TRIM36: variants seen among roughly 807,000 people sequenced by gnomAD.
TRIM36 encodes the protein tripartite motif containing 36.
Under a neutral mutation model 72.4 loss-of-function variants are expected in TRIM36, and 42 were observed. That is an observed-to-expected ratio of 0.58 (90% confidence interval 0.45 to 0.75). The LOEUF is 0.75. Among genes scored for constraint, TRIM36 ranks in the 30% least tolerant of loss-of-function variants. TRIM36 has a pLI of 0.00. For synonymous variants in TRIM36, 315 were observed against 282.8 expected (o/e 1.11, Z -1.14); for missense variants, 913 against 857.1 (o/e 1.07, Z -0.81).
At chr5:115,136,166 G>A (rs1010165712) in intron 7 of TRIM36, among the ~76,000 whole-genome samples, 1 of 149,826 alleles carries the variant, frequency 6.7e-6, no homozygotes, top group South Asian at 2.1e-4. Flanking sequence ...CCCCCAGTAC[G>A]TACCTCAGAA....
chr5:115,130,824 T>C lies in TRIM36; in HGVS notation c.1564A>G (p.Arg522Gly), dbSNP rs1235323317. ...CCAGCTCTACTCTCTACACGGTCTC[T>C]CTTCAAGTTCAGCAGGAGGTGTTCA... ...NNEHLLLNLKRDRVESRAGFN... is the reference protein window; with the variant it reads ...NNEHLLLNLKGDRVESRAGFN... Residue 522 changes from arginine to glycine, a missense_variant, in exon 9 of 10, where the codon AGA (arginine) becomes GGA (glycine). Transcript: ENST00000513154. 1 of 1,614,122 alleles carries C rather than the reference T, an allele frequency of 6.2e-7. No homozygotes were observed. The highest frequency in any genetic ancestry group is 8.5e-7 in the Non-Finnish European group (1 of 1,180,016).
chr5:115,136,891 C>G, intron 7 of TRIM36, 109 bp downstream of exon 7: 4 of 1,111,014 alleles, frequency 3.6e-6, no homozygotes, highest in Non-Finnish European at 4.9e-6. Context: ...TAGTCCTGGG[C>G]AAGTGAGATG....
intron 4 of TRIM36, 42 bp downstream of exon 4, chr5:115,144,556 A>C: frequency 6.2e-7 from 1 of 1,610,198 alleles, no homozygotes; most frequent in Non-Finnish European, 8.5e-7. Flanking sequence ...CATAAAGTAA[A>C]GTTACGAAGA....
chr5:115,171,221 A>G (rs377081012), upstream of TRIM36: 1 of 1,614,076 alleles, frequency 6.2e-7, no homozygotes, highest in African/African-American at 1.3e-5. Flanking sequence ...CCAATCCGGC[A>G]TCTAAATAAG....
intron 4 of TRIM36, among the ~76,000 whole-genome samples, chr5:115,143,422 C>A (rs1753393457): frequency 6.6e-6 from 1 of 151,230 alleles, no homozygotes; most frequent in Non-Finnish European, 1.5e-5. Flanking sequence ...TGTAGAAATA[C>A]AAAACTATCC....
Position 115,130,791 on chromosome 5 carries a change from G to C in TRIM36, c.1597C>G (p.Leu533Val). The change falls in exon 9 of 10, where the codon CTT (leucine) becomes GTT (valine). Residue 533 changes from leucine (L) to valine (V), a missense_variant. Coordinates refer to ENST00000513154, the MANE Select transcript of TRIM36 (RefSeq NM_001300759.2). ...TGGATGCGTTCTGCAGCAAGCAGAAGATTAAATCCAGCTCTACTCTCTACA... is the reference window on the plus strand; with the variant it reads ...TGGATGCGTTCTGCAGCAAGCAGAACATTAAATCCAGCTCTACTCTCTACA... The part of the protein sequence containing the change: ...DRVESRAGFN[L>V]LLAAERIQVG... The C allele has an allele frequency of 6.2e-7, 1 of 1,614,146 alleles. No homozygotes were observed. The highest frequency in any genetic ancestry group is 8.5e-7 in the Non-Finnish European group (1 of 1,180,036).
At chr5:115,142,533 G>A (rs141283790) in intron 4 of TRIM36, among the ~76,000 whole-genome samples, 11 of 152,230 alleles carry the variant, frequency 7.2e-5, no homozygotes, top group Non-Finnish European at 1.6e-4. Flanking sequence ...GGCAGAATTC[G>A]GACACATGAT....
chr5:115,160,201 C>G (rs1019031433), intron 2 of TRIM36, among the ~76,000 whole-genome samples: 5 of 151,636 alleles, frequency 3.3e-5, no homozygotes, highest in African/African-American at 1.2e-4. Flanking sequence ...TTCAAGGTAC[C>G]CTTTAAAAAA....
Position 115,126,103 on chromosome 5 carries a change from T to G in TRIM36, c.*400A>C, listed in dbSNP as rs1237073477. On this transcript the variant is annotated 3_prime_UTR_variant, in exon 10 of 10. Coordinates refer to ENST00000513154, the MANE Select transcript of TRIM36 (RefSeq NM_001300759.2). Reference sequence around the variant, plus strand: ...ATCCATAAGGCATTTAAAAAATATCTTCTCTTAGGACATAAACATGATATA... The same window carrying G: ...ATCCATAAGGCATTTAAAAAATATCGTCTCTTAGGACATAAACATGATATA... 6.0e-6 allele frequency: 1 copy of G among 166,824 alleles called. No homozygotes were observed. Among genetic ancestry groups the G allele is most frequent in the Non-Finnish European group, 1.3e-5 (1 of 76,778 alleles). The allele number at this position is 166,824 out of a possible 1,614,324, so 10.3% of individuals were successfully genotyped here.
chr5:115,154,988 T>G (rs1043556443), intron 2 of TRIM36, among the ~76,000 whole-genome samples: 9 of 151,608 alleles, frequency 5.9e-5, no homozygotes, highest in Admixed American at 1.3e-4. Context: ...GACACCAGCC[T>G]GACCAACAAG....
intron 8 of TRIM36, among the ~76,000 whole-genome samples, chr5:115,132,831 C>A (rs1246318843): frequency 6.6e-6 from 1 of 152,082 alleles, no homozygotes; most frequent in Non-Finnish European, 1.5e-5. Context: ...CACTTTCAGG[C>A]AGAAAGACTA....
intron 8 of TRIM36, among the ~76,000 whole-genome samples, chr5:115,131,702 C>T (rs77727437): frequency 0.014 from 2,171 of 152,240 alleles, 57 homozygotes; most frequent in African/African-American, 0.05. Flanking sequence ...ATACATGCTA[C>T]AACATGTATG....
chr5:115,131,166 T>C (rs1373535538), intron 8 of TRIM36, among the ~76,000 whole-genome samples: 1 of 152,174 alleles, frequency 6.6e-6, no homozygotes, highest in Non-Finnish European at 1.5e-5. Flanking sequence ...GGAATACAGA[T>C]AGCAAATCTA....
chr5:115,163,445 T>G, intron 2 of TRIM36, 73 bp downstream of exon 2: 1 of 1,299,624 alleles, frequency 7.7e-7, no homozygotes, highest in South Asian at 1.3e-5. Context: ...ATAATTTTCC[T>G]TCCAGTTACC....
At chr5:115,167,059 G>A (rs970304231) in intron 1 of TRIM36, among the ~76,000 whole-genome samples, 8 of 152,200 alleles carry the variant, frequency 5.3e-5, no homozygotes, top group African/African-American at 1.7e-4. Context: ...CAGCCTGCTG[G>A]GTCAAGTGGG....
chr5:115,143,241 A>C (rs1010182782), intron 4 of TRIM36, among the ~76,000 whole-genome samples: 8 of 151,248 alleles, frequency 5.3e-5, no homozygotes, highest in South Asian at 2.1e-4. Context: ...AAAAAAAAAA[A>C]AAAAAAAACA....
chr5:115,139,875 T>C (rs1319552862), intron 5 of TRIM36, among the ~76,000 whole-genome samples: 1 of 152,174 alleles, frequency 6.6e-6, no homozygotes, highest in East Asian at 1.9e-4. Context: ...TTTTAACCTA[T>C]TGATGACAAA....
At chr5:115,147,024 C>A (rs1426469397) in intron 3 of TRIM36, 45 bp downstream of exon 3, 1 of 1,485,536 alleles carries the variant, frequency 6.7e-7, no homozygotes, top group South Asian at 1.3e-5. Flanking sequence ...AGTTTCATAA[C>A]ATTAAGTTAA....
At chr5:115,177,900 A>AGG (rs1690391884) in intron 1 of TRIM36, 2 of 1,610,642 alleles carry the variant, frequency 1.2e-6, no homozygotes. Context: ...AGAGAGAGAG[A>AGG]GAGCAGAGAA....
Sources: gnomAD v4.1 joint callset for allele counts (sites outside exome capture counted in the v4.1 genomes callset) on GRCh38, gnomAD v4.1.1 for gene constraint, MANE v1.5 for transcripts, NCBI Gene and HGNC (gene_info 2026-07-23, HGNC 2026-07-21) for gene names.